MCU: variants seen among roughly 807,000 people sequenced by gnomAD.
The protein encoded by MCU is calcium uniporter protein, mitochondrial.
Under a neutral mutation model 45.2 loss-of-function variants are expected in MCU, and 12 were observed. The observed-to-expected ratio is 0.27, with a 90% CI of 0.17 to 0.43. The LOEUF (loss-of-function observed/expected upper bound fraction) is 0.43, where lower values mean the gene tolerates loss of function less well. Ranked by LOEUF, MCU falls within the 20% of genes least tolerant of loss-of-function variation. The probability of loss-of-function intolerance (pLI) is 1.00; values close to 1 mark genes in which losing one functional copy is unlikely to be tolerated. For missense variants in MCU, 324 were observed against 436.7 expected (o/e 0.74, Z 2.30); for synonymous variants, 160 against 165.1 (o/e 0.97, Z 0.24).
chr10:72,852,258 C>G (rs1845218525), intron 2 of MCU, among the ~76,000 whole-genome samples: 1 of 152,154 alleles, frequency 6.6e-6, no homozygotes, highest in Non-Finnish European at 1.5e-5. Context: ...AGGAATATAA[C>G]AAATTTTAAA....
intron 1 of MCU, among the ~76,000 whole-genome samples, chr10:72,787,526 C>T (rs576563937): frequency 4.6e-5 from 7 of 152,162 alleles, no homozygotes; most frequent in African/African-American, 9.6e-5. Context: ...ACCTCAACCT[C>T]CCAAAGTGCT....
rs187898590 is a variant in MCU at position 72,714,215 on chromosome 10, G to A, written c.150+21914G>A. ...CTCCTGACCTCATGATTTGCCCACC[G>A]CGGCCTCCCAAAGTGCTGGGATTAC... On this transcript the variant is annotated intron_variant, in intron 1 of 7. Coordinates refer to ENST00000373053, the MANE Select transcript of MCU (RefSeq NM_138357.3). Among the ~76,000 whole-genome samples, 12 of 151,508 alleles carry A rather than the reference G, an allele frequency of 7.9e-5. No homozygotes were observed. The East Asian group carries it at 1.9e-3, about 25-fold the overall frequency.
intron 1 of MCU, among the ~76,000 whole-genome samples, chr10:72,830,849 C>T (rs1470382300): frequency 6.6e-6 from 1 of 152,162 alleles, no homozygotes; most frequent in African/African-American, 2.4e-5. Flanking sequence ...CCAACAAAGC[C>T]AGCCAAACAC....
chr10:72,852,397 A>T (rs1190122238), intron 2 of MCU, among the ~76,000 whole-genome samples: 1 of 152,236 alleles, frequency 6.6e-6, no homozygotes, highest in Non-Finnish European at 1.5e-5. Context: ...AGGATTTCTG[A>T]TTTTGCCTTT....
At chr10:72,879,989 A>G (rs917972026) in intron 6 of MCU, among the ~76,000 whole-genome samples, 1 of 152,214 alleles carries the variant, frequency 6.6e-6, no homozygotes, top group African/African-American at 2.4e-5. Flanking sequence ...TGGAGGTTGC[A>G]ATGAACCGAG....
intron 1 of MCU, among the ~76,000 whole-genome samples, chr10:72,812,026 A>T (rs1844551215): frequency 6.6e-6 from 1 of 151,672 alleles, no homozygotes; most frequent in Non-Finnish European, 1.5e-5. Context: ...AGTTTCCTAT[A>T]TTGAATGTAT....
At chr10:72,824,202 T>C (rs948399942) in intron 1 of MCU, among the ~76,000 whole-genome samples, 4 of 151,290 alleles carry the variant, frequency 2.6e-5, no homozygotes, top group Non-Finnish European at 4.4e-5. Context: ...TCTTTCTTTT[T>C]TTTTTTTTTT....
intron 1 of MCU, among the ~76,000 whole-genome samples, chr10:72,798,962 G>C (rs1247858244): frequency 2.0e-5 from 3 of 150,834 alleles, no homozygotes; most frequent in African/African-American, 4.9e-5. Context: ...TTATTTTTTC[G>C]AGACGGAGTC....
chr10:72,843,812 TAC>T (rs1038917575), intron 2 of MCU, among the ~76,000 whole-genome samples: 1 of 119,386 alleles, frequency 8.4e-6, no homozygotes, highest in Non-Finnish European at 2.1e-5. Context: ...ATGTTTAACT[TAC>T]AGTCTTTTCC....
chr10:72,733,043 G>A lies in MCU; in HGVS notation c.150+40742G>A, dbSNP rs377385712. On this transcript the variant is annotated intron_variant, in intron 1 of 7. Transcript: ENST00000373053. ...GTAGAGAGGGTTGGAAAAAGCACAG[G>A]TTTTGGTGCCAGACTGAATTTCAGA... 1.1e-4 allele frequency among the ~76,000 whole-genome samples: 16 copies of A among 152,352 alleles called. No individual in the cohort carries two copies. The East Asian group carries it at 2.7e-3, about 26-fold the overall frequency.
At chr10:72,737,128 A>T (rs1843261816) in intron 1 of MCU, among the ~76,000 whole-genome samples, 1 of 152,218 alleles carries the variant, frequency 6.6e-6, no homozygotes, top group Admixed American at 6.5e-5. Flanking sequence ...CTTCAGTTTG[A>T]TACTATAGCG....
At chr10:72,706,221 CT>C (rs1410907931) in intron 1 of MCU, among the ~76,000 whole-genome samples, 238 of 134,004 alleles carry the variant, frequency 1.8e-3, no homozygotes, top group Middle Eastern at 8.3e-3. Context: ...ATGGTCTTAT[CT>C]TTTTTTTTTT....
In MCU at chr10:72,733,156, G is replaced by A. The variant is rs562071433; in HGVS notation, c.150+40855G>A. The stretch of plus-strand genomic sequence containing the variant: ...ACTTCAGTCTTCATCTATAAAATGG[G>A]ATGGATTAAATCTATCTTGAGGCTG... On this transcript the variant is annotated intron_variant, in intron 1 of 7. Transcript: ENST00000373053. Among the ~76,000 whole-genome samples, 19 of 152,278 alleles carry A rather than the reference G, an allele frequency of 1.2e-4. 1 individual carries two copies. In the South Asian group the frequency reaches 3.1e-3, roughly 25 times the overall value.
intron 1 of MCU, among the ~76,000 whole-genome samples, chr10:72,833,245 G>A (rs1044099270): frequency 6.6e-6 from 1 of 152,072 alleles, no homozygotes; most frequent in Non-Finnish European, 1.5e-5. Flanking sequence ...GTCATTAGAG[G>A]GAAATTAGTT....
chr10:72,773,335 C>T (rs186754953), intron 1 of MCU, among the ~76,000 whole-genome samples: 6 of 151,490 alleles, frequency 4.0e-5, no homozygotes, highest in Admixed American at 1.3e-4. Flanking sequence ...ATGAAAAACA[C>T]ATTTGCTTAA....
At chr10:72,712,339 G>C (rs1842905576) in intron 1 of MCU, 1 of 152,154 alleles carries the variant, frequency 6.6e-6, no homozygotes, top group Non-Finnish European at 1.5e-5. Context: ...GAAGAAGAAT[G>C]TTTTATTACA....
intron 1 of MCU, among the ~76,000 whole-genome samples, chr10:72,808,293 C>T (rs968784896): frequency 2.6e-5 from 4 of 152,208 alleles, no homozygotes; most frequent in Admixed American, 2.0e-4. Flanking sequence ...TGAAATTAGA[C>T]GAGTCTACTG....
chr10:72,798,714 A>G (rs1844291141), intron 1 of MCU, among the ~76,000 whole-genome samples: 1 of 152,118 alleles, frequency 6.6e-6, no homozygotes, highest in Non-Finnish European at 1.5e-5. Context: ...CAGAAGTGTT[A>G]CAGAGCAAAA....
At chr10:72,817,985 C>G (rs1462127767) in intron 1 of MCU, among the ~76,000 whole-genome samples, 1 of 152,168 alleles carries the variant, frequency 6.6e-6, no homozygotes, top group Non-Finnish European at 1.5e-5. Context: ...TGGACTTGCA[C>G]TGTTCTTTTA....
Sources: gnomAD v4.1 joint callset for allele counts (sites outside exome capture counted in the v4.1 genomes callset) on GRCh38, gnomAD v4.1.1 for gene constraint, MANE v1.5 for transcripts, NCBI Gene and HGNC (gene_info 2026-07-23, HGNC 2026-07-21) for gene names.